ARID1B: variants seen among roughly 807,000 people sequenced by gnomAD.
ARID1B encodes AT-rich interactive domain-containing protein 1B.
A neutral mutation model predicts 212.3 loss-of-function variants in ARID1B; 30 were observed. The observed-to-expected ratio is 0.14, with a 90% CI of 0.11 to 0.19. The LOEUF (loss-of-function observed/expected upper bound fraction) is 0.19. Among genes scored for constraint, ARID1B ranks in the 10% least tolerant of loss-of-function variants. The pLI, the probability that ARID1B is intolerant of heterozygous loss-of-function variation, is 1.00. For missense variants in ARID1B, 2,891 were observed against 3,204.0 expected (o/e 0.90, Z 2.36); for synonymous variants, 1,402 against 1,301.7 (o/e 1.08, Z -1.66).
At chr6:156,787,137 A>G (rs1264265567) in intron 1 of ARID1B, among the ~76,000 whole-genome samples, 4 of 152,142 alleles carry the variant, frequency 2.6e-5, no homozygotes, top group Non-Finnish European at 4.4e-5. Context: ...AAAGAAGGAA[A>G]ATATAATCAC....
At chr6:157,171,353 TAGG>T (rs1172001993) in intron 9 of ARID1B, among the ~76,000 whole-genome samples, 2 of 152,210 alleles carry the variant, frequency 1.3e-5, no homozygotes, top group African/African-American at 4.8e-5. Context: ...CTCGTGTCAA[TAGG>T]AGAAGGAACA....
chr6:157,202,678 A>G (rs1794185224), intron 18 of ARID1B, among the ~76,000 whole-genome samples: 1 of 151,446 alleles, frequency 6.6e-6, no homozygotes. Flanking sequence ...ATATTCCTTT[A>G]TATATATCTA....
chr6:157,103,363 A>C (rs1786221858), intron 5 of ARID1B, among the ~76,000 whole-genome samples: 1 of 152,190 alleles, frequency 6.6e-6, no homozygotes, highest in Non-Finnish European at 1.5e-5. Context: ...TGTACATTGT[A>C]GTCAGTTGAG....
chr6:156,809,713 G>GGA (rs1554254038), intron 1 of ARID1B, among the ~76,000 whole-genome samples: 3 of 104,452 alleles, frequency 2.9e-5, no homozygotes, highest in African/African-American at 6.9e-5. Context: ...CTTTTTCAAA[G>GGA]AAAAAAAAAA....
intron 4 of ARID1B, among the ~76,000 whole-genome samples, chr6:157,030,024 T>G (rs1317411501): frequency 6.6e-6 from 1 of 152,174 alleles, no homozygotes; most frequent in Non-Finnish European, 1.5e-5. Flanking sequence ...GTGCATCAGT[T>G]AGTTTTTGCA....
chr6:157,085,231 G>A (rs1784891167), intron 5 of ARID1B, among the ~76,000 whole-genome samples: 1 of 152,206 alleles, frequency 6.6e-6, no homozygotes, highest in Non-Finnish European at 1.5e-5. Context: ...CTGTTGATGA[G>A]TGCCACTAAA....
rs1191239936 is a variant in ARID1B at position 157,198,434 on chromosome 6, T to C, written c.4383-377T>C. The C allele has an allele frequency of 5.4e-5, 10 of 185,416 alleles. No individual in the cohort carries two copies. In the Admixed American group the frequency reaches 6.1e-4, roughly 11 times the overall value. 11.5% of individuals were successfully genotyped at this position (185,416 alleles called of 1,614,324 possible). A position where few individuals can be genotyped will look rare whatever the true frequency, so the allele number is the denominator to read the frequency against. On this transcript the variant is annotated intron_variant, in intron 16 of 19. Transcript: ENST00000636930. Reference sequence around the variant, plus strand: ...TCTTGCTGTTTCTTGCTTCCCTTAATGCCTGTCATCACAGCACTGTACGAC... The same window carrying C: ...TCTTGCTGTTTCTTGCTTCCCTTAACGCCTGTCATCACAGCACTGTACGAC...
intron 2 of ARID1B, among the ~76,000 whole-genome samples, chr6:156,831,014 A>G (rs1278420329): frequency 6.6e-6 from 1 of 152,122 alleles, no homozygotes; most frequent in East Asian, 1.9e-4. Context: ...TTGTACTTTT[A>G]ATTTTTTCCA....
At chr6:157,123,244 CCCCCA>C (rs1183348092) in intron 6 of ARID1B, among the ~76,000 whole-genome samples, 18 of 119,160 alleles carry the variant, frequency 1.5e-4, no homozygotes, top group African/African-American at 3.9e-4. Flanking sequence ...CCCCGCCCCC[CCCCCA>C]CACACACACA....
At position 157,077,697 on chromosome 6, in the gene ARID1B, T is replaced by G. The variant is rs59090143; in HGVS notation, c.2248-6965T>G. ...CTAATTCACCCTCCATCATAGAATT[T>G]TCTGCACTTCATTGTTGTTTGTGTG... On this transcript the variant is annotated intron_variant, in intron 4 of 19. Coordinates refer to ENST00000636930, the MANE Select transcript of ARID1B (RefSeq NM_001374828.1). Among the ~76,000 whole-genome samples, 1,253 of 152,300 alleles carry G rather than the reference T, an allele frequency of 8.2e-3. 26 individuals are homozygous for G. Among genetic ancestry groups the G allele is most frequent in the African/African-American group, 0.028 (1,155 of 41,558 alleles).
Position 157,207,900 on chromosome 6 carries a change from A to C in ARID1B, c.*9A>C. 2 of 1,480,298 alleles carry C rather than the reference A, an allele frequency of 1.4e-6. No individual in the cohort carries two copies. Among genetic ancestry groups the C allele is most frequent in the Non-Finnish European group, 1.8e-6 (2 of 1,112,256 alleles). 91.7% of individuals were successfully genotyped at this position (1,480,298 alleles called of 1,614,324 possible). A position where few individuals can be genotyped will look rare whatever the true frequency, so the allele number is the denominator to read the frequency against. On this transcript the variant is annotated 3_prime_UTR_variant, in exon 20 of 20. Coordinates refer to ENST00000636930, the MANE Select transcript of ARID1B (RefSeq NM_001374828.1). This position sits in a 1 kb window ranked among gnomAD's most constrained non-coding sequence, Gnocchi z 8.5. Reference sequence around the variant, plus strand: ...AGATTGGGCAGTTATGACATAAGTGAGAAGGCAAGCATGTGTGAGTGAAGA... The same window carrying C: ...AGATTGGGCAGTTATGACATAAGTGCGAAGGCAAGCATGTGTGAGTGAAGA...
At chr6:156,985,308 T>C (rs557649401) in intron 4 of ARID1B, 1 of 152,372 alleles carries the variant, frequency 6.6e-6, no homozygotes, top group Non-Finnish European at 1.5e-5. Flanking sequence ...ATCCGCTGCA[T>C]TGATAAACAT....
chr6:156,825,497 A>G (rs1346058995), intron 1 of ARID1B, among the ~76,000 whole-genome samples: 4 of 152,260 alleles, frequency 2.6e-5, no homozygotes, highest in Non-Finnish European at 1.5e-5. Context: ...TAGGACTGTG[A>G]GAGTTGATGG....
chr6:156,926,517 A>G (rs1279109811), intron 3 of ARID1B, among the ~76,000 whole-genome samples: 2 of 152,196 alleles, frequency 1.3e-5, no homozygotes, highest in Admixed American at 6.5e-5. Flanking sequence ...CTTTCATACC[A>G]TTAACTTCAT....
chr6:156,809,660 G>C (rs1296503006), intron 1 of ARID1B, among the ~76,000 whole-genome samples: 1 of 147,552 alleles, frequency 6.8e-6, no homozygotes, highest in Non-Finnish European at 1.5e-5. Flanking sequence ...CAGACCTGAG[G>C]CTCCTGTACC....
intron 4 of ARID1B, among the ~76,000 whole-genome samples, chr6:157,060,582 T>C (rs531025895): frequency 6.6e-6 from 1 of 150,698 alleles, no homozygotes; most frequent in South Asian, 2.1e-4. Flanking sequence ...ACATATAGAT[T>C]TAAACTTATT....
At chr6:156,968,628 G>A (rs889237497) in intron 4 of ARID1B, among the ~76,000 whole-genome samples, 9 of 152,136 alleles carry the variant, frequency 5.9e-5, no homozygotes, top group African/African-American at 1.9e-4. Flanking sequence ...AGTATCACCC[G>A]GAGTCTCGAC....
Position 157,167,132 on chromosome 6 carries a change from A to T in ARID1B, c.3182A>T (p.Asn1061Ile), listed in dbSNP as rs1158426132. The T allele has an allele frequency of 2.5e-6, 4 of 1,611,508 alleles. No individual in the cohort carries two copies. The highest frequency in any genetic ancestry group is 2.5e-6 in the Non-Finnish European group (3 of 1,180,028). ...QPMNNSSSLM[N>I]TQAPPYSMAP... Reference sequence around the variant, plus strand: ...ATGAACAACAGCTCTAGCCTGATGAACACGCAGGCGCCGCCCTACAGCATG... The same window carrying T: ...ATGAACAACAGCTCTAGCCTGATGATCACGCAGGCGCCGCCCTACAGCATG... The change falls in exon 9 of 20, where the codon AAC (asparagine) becomes ATC (isoleucine). Residue 1061 changes from asparagine to isoleucine, a missense_variant. This residue lies in a region of ARID1B where 1,643 missense variants were observed against 1,544.0 expected (regional missense o/e 1.06). Transcript: ENST00000636930.
chr6:156,943,041 G>C (rs1792794482), intron 4 of ARID1B: 1 of 152,136 alleles, frequency 6.6e-6, no homozygotes, highest in Non-Finnish European at 1.5e-5. Flanking sequence ...TGTCAGTTTA[G>C]GAGAGGAAAT....
Sources: gnomAD v4.1 joint callset for allele counts (sites outside exome capture counted in the v4.1 genomes callset) on GRCh38, gnomAD v4.1.1 for gene constraint, gnomAD v4.1.1 regional missense constraint, Gnocchi (gnomAD v3.1) non-coding constraint, MANE v1.5 for transcripts, NCBI Gene and HGNC (gene_info 2026-07-23, HGNC 2026-07-21) for gene names.